Variants in MAN1B1 observed in about 807,000 individuals in gnomAD.
The protein encoded by MAN1B1 is endoplasmic reticulum mannosyl-oligosaccharide 1,2-alpha-mannosidase.
MAN1B1 carries 66 observed loss-of-function variants against 75.5 expected under a neutral mutation model. The ratio of observed to expected loss-of-function variants is 0.87; its 90% confidence interval spans 0.72 to 1.07. The LOEUF is 1.07. MAN1B1 is among the 50% of genes least tolerant of loss of function. MAN1B1 has a pLI of 0.00. For missense variants in MAN1B1, 973 were observed against 912.5 expected (o/e 1.07, Z -0.85); for synonymous variants, 453 against 382.8 (o/e 1.18, Z -2.14).
At chr9:137,087,445 A>C (rs928502753) in intron 1 of MAN1B1, 2 of 700,566 alleles carry the variant, frequency 2.9e-6, no homozygotes, top group African/African-American at 3.5e-5. Context: ...GGTGGTGGGA[A>C]GAGGGCTCAG....
intron 8 of MAN1B1, chr9:137,104,078 C>G: frequency 4.4e-6 from 2 of 457,008 alleles, no homozygotes; most frequent in Middle Eastern, 3.3e-4. Flanking sequence ...TCACTTCCAT[C>G]TCCAGAGCCC....
chr9:137,097,559 T>C (rs1387951115), intron 4 of MAN1B1, among the ~76,000 whole-genome samples: 2 of 152,180 alleles, frequency 1.3e-5, no homozygotes, highest in Non-Finnish European at 2.9e-5. Context: ...CTCCGGCCTC[T>C]GCAGAGGGAT....
chr9:137,090,515 A>C (rs1588583498), intron 3 of MAN1B1, among the ~76,000 whole-genome samples: 1 of 148,018 alleles, frequency 6.8e-6, no homozygotes, highest in South Asian at 2.2e-4. Flanking sequence ...AGCTTGGGCC[A>C]CCCTCAGACT....
At chr9:137,094,814 A>C (rs1220817604) in intron 3 of MAN1B1, among the ~76,000 whole-genome samples, 1 of 151,864 alleles carries the variant, frequency 6.6e-6, no homozygotes, top group African/African-American at 2.4e-5. Flanking sequence ...CAGGAGGCAG[A>C]GGTTGCAGTG....
At chr9:137,104,398 C>CTAATTTTTGTGTTTTT (rs1831019910) in intron 8 of MAN1B1, 1 of 292,656 alleles carries the variant, frequency 3.4e-6, no homozygotes, top group African/African-American at 2.2e-5. Context: ...CCACGCCCAG[C>CTAATTTTTGTGTTTTT]TAATTTTTGT....
intron 3 of MAN1B1, among the ~76,000 whole-genome samples, chr9:137,090,917 G>A (rs1290329899): frequency 1.3e-5 from 2 of 152,198 alleles, no homozygotes; most frequent in Non-Finnish European, 2.9e-5. Flanking sequence ...GTACCAAAAA[G>A]CAGAAGGAAG....
At chr9:137,090,543 AT>A (rs1356110350) in intron 3 of MAN1B1, among the ~76,000 whole-genome samples, 88 of 142,166 alleles carry the variant, frequency 6.2e-4, no homozygotes, top group East Asian at 8.2e-4. Flanking sequence ...GGGTGTTTTG[AT>A]TTTTTTTTTT....
In MAN1B1 at chr9:137,099,650, G is replaced by A. The variant is rs4880200; in HGVS notation, c.731-46G>A. On this transcript the variant is annotated intron_variant, in intron 5 of 12. Coordinates refer to ENST00000371589, the MANE Select transcript of MAN1B1 (RefSeq NM_016219.5). ...CCTGAGGGTGTCCATCTGTGCCGAC[G>A]CCAGGACCACGTCCGCCATGGCCTG... The A allele has an allele frequency of 0.74, 1,191,712 of 1,604,722 alleles. 443,763 individuals carry two copies. Among genetic ancestry groups the A allele is most frequent in the African/African-American group, 0.84 (63,123 of 74,880 alleles).
chr9:137,103,027 G>A (rs1313413966), intron 8 of MAN1B1: 3 of 104,030 alleles, frequency 2.9e-5, no homozygotes, highest in Admixed American at 1.5e-4. Context: ...CAGGTCGGTG[G>A]TGTTACATTC....
rs150016787 is a variant in MAN1B1 at position 137,107,232 on chromosome 9, G to A, written c.1567-18G>A. 235 of 1,611,594 alleles carry A rather than the reference G, an allele frequency of 1.5e-4. 1 individual carries two copies. In the East Asian group the frequency reaches 5.0e-3, roughly 34 times the overall value. On this transcript the variant is annotated intron_variant, in intron 10 of 12. Coordinates refer to ENST00000371589, the MANE Select transcript of MAN1B1 (RefSeq NM_016219.5). ...GCAGGGCCTGGGATCTGGGGCTGAA[G>A]AGACCCTCTGATTCCAGGACCACCT...
Position 137,101,508 on chromosome 9 carries a change from C to A in MAN1B1, c.1090C>A (p.Pro364Thr), listed in dbSNP as rs768559795. Residue 364 changes from proline to threonine, a missense_variant, in exon 8 of 13, where the codon CCT becomes ACT. Physicochemically the swap from Pro to Thr is conservative, Grantham distance 38. Coordinates refer to ENST00000371589, the MANE Select transcript of MAN1B1 (RefSeq NM_016219.5). Reference protein sequence around the residue: ...KAEDFGNRLMPAFRTPSKIPY... With the variant: ...KAEDFGNRLMTAFRTPSKIPY... ...GGAGGATTTTGGAAATCGGCTAATG[C>A]CTGCCTTCAGAACACCATCCAAGAT... The A allele has an allele frequency of 1.2e-6, 2 of 1,613,928 alleles. No homozygotes were observed. The highest frequency in any genetic ancestry group is 1.1e-5 in the South Asian group (1 of 91,088).
chr9:137,100,300 C>G lies in MAN1B1; in HGVS notation c.916+419C>G, dbSNP rs1588600949. On this transcript the variant is annotated intron_variant, in intron 6 of 12. Transcript: ENST00000371589. Reference sequence around the variant, plus strand: ...TTTAAGCGATAATTTAAACATTTGCCTAATTTTTTGAATAGGTTGAAGACC... The same window carrying G: ...TTTAAGCGATAATTTAAACATTTGCGTAATTTTTTGAATAGGTTGAAGACC... 3.9e-5 allele frequency among the ~76,000 whole-genome samples: 6 copies of G among 152,294 alleles called. No individual in the cohort carries two copies. In the South Asian group the frequency reaches 1.2e-3, roughly 32 times the overall value.
intron 3 of MAN1B1, among the ~76,000 whole-genome samples, chr9:137,091,737 A>G (rs1347998903): frequency 6.6e-6 from 1 of 151,474 alleles, no homozygotes; most frequent in African/African-American, 2.4e-5. Context: ...CGTGTTAGCC[A>G]GGATGGTCTT....
At chr9:137,103,737 G>A (rs1830987668) in intron 8 of MAN1B1, 5 of 445,764 alleles carry the variant, frequency 1.1e-5, no homozygotes, top group Non-Finnish European at 2.2e-5. Flanking sequence ...CACACATGCT[G>A]TTGCAGGCGT....
intron 12 of MAN1B1, 192 bp downstream of exon 12, chr9:137,107,854 T>G: frequency 2.7e-6 from 2 of 735,194 alleles, no homozygotes; most frequent in South Asian, 3.3e-5. Context: ...CTGAGCTTCA[T>G]GGTTGTGGGA....
intron 8 of MAN1B1, 136 bp downstream of exon 8, chr9:137,101,808 A>G (rs1460552501): frequency 3.8e-6 from 4 of 1,051,292 alleles, no homozygotes; most frequent in Non-Finnish European, 5.7e-6. Flanking sequence ...CACAAAACGC[A>G]CCACCTTAAC....
chr9:137,096,223 C>T lies in MAN1B1; in HGVS notation c.466-14C>T, dbSNP rs202039880. 43 of 1,614,098 alleles carry T rather than the reference C, an allele frequency of 2.7e-5. No individual in the cohort carries two copies. The East Asian group carries it at 8.5e-4, about 32-fold the overall frequency. On this transcript the variant is annotated splice_polypyrimidine_tract_variant and intron_variant, in intron 3 of 12. Transcript: ENST00000371589. Reference sequence around the variant, plus strand: ...GACACCCCGTGATTTCCTGTGTGACCAATTTCTCTACAGAAGACACAAAGA... The same window carrying T: ...GACACCCCGTGATTTCCTGTGTGACTAATTTCTCTACAGAAGACACAAAGA...
chr9:137,108,941 G>C lies in MAN1B1; in HGVS notation c.*350G>C, dbSNP rs1352534581. ...CTGGGGTGACCGAGTGGACAGCCCAGGGTGCAGCTCTGCCCGGGCTCGTGA... is the reference window on the plus strand; with the variant it reads ...CTGGGGTGACCGAGTGGACAGCCCACGGTGCAGCTCTGCCCGGGCTCGTGA... On this transcript the variant is annotated 3_prime_UTR_variant, in exon 13 of 13. Transcript: ENST00000371589. The C allele has an allele frequency of 2.0e-6, 1 of 489,726 alleles. No homozygotes were observed. Among genetic ancestry groups the C allele is most frequent in the East Asian group, 5.9e-5 (1 of 16,922 alleles). The allele number at this position is 489,726 out of a possible 1,614,324, so 30.3% of individuals were successfully genotyped here.
intron 3 of MAN1B1, among the ~76,000 whole-genome samples, chr9:137,091,519 A>ATTTTTTTT (rs1830512857): frequency 1.0e-5 from 1 of 100,470 alleles, no homozygotes; most frequent in African/African-American, 3.3e-5. Context: ...TTTTTGTTTT[A>ATTTTTTTT]TATTTTTTTT....
Sources: allele counts gnomAD v4.1 joint callset (sites outside exome capture counted in the v4.1 genomes callset), GRCh38; gene constraint gnomAD v4.1.1; transcripts MANE v1.5; gene names NCBI Gene and HGNC (gene_info 2026-07-23, HGNC 2026-07-21).